Variants in PRKAR1A observed in about 807,000 individuals in gnomAD.
PRKAR1A encodes the protein protein kinase cAMP-dependent type I regulatory subunit alpha.
A neutral mutation model predicts 52.0 loss-of-function variants in PRKAR1A; 3 were observed. That is an observed-to-expected ratio of 0.06 (90% CI 0.03 to 0.15). The LOEUF (loss-of-function observed/expected upper bound fraction) is 0.15, where lower values mean the gene tolerates loss of function less well. PRKAR1A is among the 10% of genes least tolerant of loss of function. The pLI, the probability that PRKAR1A is intolerant of heterozygous loss-of-function variation, is 1.00. For missense variants in PRKAR1A, 240 were observed against 477.4 expected (o/e 0.50, Z 4.63); for synonymous variants, 188 against 168.4 (o/e 1.12, Z -0.90).
intron 1 of PRKAR1A, chr17:68,512,804 C>T (rs2085302598): frequency 6.6e-6 from 1 of 152,074 alleles, no homozygotes; most frequent in East Asian, 1.9e-4. Context: ...CGCTCGCTGC[C>T]CCCACCCCAC....
chr17:68,537,794 T>TG (rs1204967089), downstream of PRKAR1A: 25 of 1,559,686 alleles, frequency 1.6e-5, no homozygotes, highest in Non-Finnish European at 1.9e-5. The surrounding 1 kb of genome is among the most constrained non-coding windows in gnomAD (Gnocchi z 4.2). Flanking sequence ...GAAAATAACT[T>TG]GCCTGAACTT....
downstream of PRKAR1A, among the ~76,000 whole-genome samples, chr17:68,534,458 G>C (rs1021774274): frequency 2.0e-5 from 3 of 151,578 alleles, no homozygotes; most frequent in Admixed American, 2.0e-4. Flanking sequence ...GAAGTGAAAA[G>C]TTTGAGCCTC....
At chr17:68,542,599 A>T (rs992396036) in intron 11 of PRKAR1A, 8 of 930,362 alleles carry the variant, frequency 8.6e-6, no homozygotes, top group Non-Finnish European at 1.4e-5. Context: ...GGATAGTGCT[A>T]GCAGCAGGGT....
chr17:68,489,554 T>G, the PRKAR1A span, among the ~76,000 whole-genome samples: 6 of 149,100 alleles, frequency 4.0e-5, no homozygotes, highest in East Asian at 1.2e-3. Flanking sequence ...GGAAAGTATA[T>G]ATATACACAC....
the PRKAR1A span, chr17:68,457,237 C>G: frequency 2.9e-6 from 4 of 1,380,920 alleles, no homozygotes; most frequent in East Asian, 2.9e-5. Flanking sequence ...GCCCTCCCGC[C>G]GAGGCCGCCT....
chr17:68,437,430 C>G, the PRKAR1A span, among the ~76,000 whole-genome samples: 2 of 152,088 alleles, frequency 1.3e-5, no homozygotes, highest in East Asian at 3.9e-4. Flanking sequence ...TTGCATGTGC[C>G]TGTAGTCCCA....
chr17:68,540,615 G>A, intron 11 of PRKAR1A: 1 of 624,564 alleles, frequency 1.6e-6, no homozygotes, highest in Non-Finnish European at 3.0e-6. Flanking sequence ...GCCCGTGGCA[G>A]GGTGAGATGC....
the PRKAR1A span, among the ~76,000 whole-genome samples, chr17:68,471,125 C>G: frequency 6.6e-6 from 1 of 152,090 alleles, no homozygotes; most frequent in Non-Finnish European, 1.5e-5. Flanking sequence ...AAAAGTAATA[C>G]ACCCACAGCA....
chr17:68,421,642 A>T, the PRKAR1A span: 1 of 1,321,878 alleles, frequency 7.6e-7, no homozygotes, highest in Non-Finnish European at 1.1e-6. Flanking sequence ...CCTGTGGTTT[A>T]AGCAGTGGAG....
chr17:68,527,030 C>T (rs1371755613), intron 7 of PRKAR1A, among the ~76,000 whole-genome samples: 2 of 152,204 alleles, frequency 1.3e-5, no homozygotes. Context: ...GTTAGTTCTG[C>T]ATTTCCTCTA....
chr17:68,474,293 G>A, the PRKAR1A span, among the ~76,000 whole-genome samples: 1 of 152,148 alleles, frequency 6.6e-6, no homozygotes, highest in African/African-American at 2.4e-5. Flanking sequence ...GGAAAGGTAG[G>A]GAGTCAGCTG....
chr17:68,428,994 T>C, the PRKAR1A span: 2 of 1,353,998 alleles, frequency 1.5e-6, no homozygotes, highest in East Asian at 2.3e-5. Flanking sequence ...ATGGATTCGC[T>C]TCCAATGACA....
rs1281533465 is a variant in PRKAR1A, at chr17:68,532,666, T to G, written c.*2217T>G. 9.4e-7 allele frequency: 1 copy of G among 1,066,224 alleles called. No individual in the cohort carries two copies. Among genetic ancestry groups the G allele is most frequent in the African/African-American group, 1.6e-5 (1 of 61,124 alleles). The allele number at this position is 1,066,224 out of a possible 1,614,324, so 66.0% of individuals were successfully genotyped here. ...GGACCGTTTTGTATTGCTTCCTGAT[T>G]ACCAGTCTGATTATACCATGTGTGC... On this transcript the variant is annotated 3_prime_UTR_variant, in exon 11 of 11. Coordinates refer to ENST00000589228, the MANE Select transcript of PRKAR1A (RefSeq NM_002734.5).
the PRKAR1A span, among the ~76,000 whole-genome samples, chr17:68,425,729 G>A: frequency 1.3e-5 from 2 of 152,142 alleles, no homozygotes; most frequent in Non-Finnish European, 2.9e-5. Context: ...AGGAAAATAA[G>A]TTTTAGACAA....
At chr17:68,506,150 T>A in the PRKAR1A span, among the ~76,000 whole-genome samples, 1 of 152,252 alleles carries the variant, frequency 6.6e-6, no homozygotes, top group South Asian at 2.1e-4. Flanking sequence ...GCTTACAACA[T>A]CTAAAGCATT....
the PRKAR1A span, chr17:68,426,253 G>GGGGGGGGGGGGGGGGGGGGA: frequency 1.2e-6 from 1 of 841,018 alleles, no homozygotes; most frequent in South Asian, 1.3e-5. Context: ...GGGGAGCGGG[G>GGGGGGGGGGGGGGGGGGGGA]GCTCAAATAA....
At chr17:68,541,152 G>A in intron 11 of PRKAR1A, 2 of 728,208 alleles carry the variant, frequency 2.7e-6, no homozygotes, top group Non-Finnish European at 4.3e-6. Context: ...AGAAGGTCCT[G>A]GGTCCTTTAA....
chr17:68,522,951 G>A (rs759172711), intron 3 of PRKAR1A, 25 bp downstream of exon 3: 2 of 1,611,814 alleles, frequency 1.2e-6, no homozygotes, highest in Non-Finnish European at 8.5e-7. Flanking sequence ...TGAATATCGG[G>A]GGGATGCTTT....
chr17:68,533,288 T>C lies in PRKAR1A; in HGVS notation c.*2839T>C. On this transcript the variant is annotated 3_prime_UTR_variant, in exon 11 of 11. Transcript: ENST00000589228. ...GGTATTTCTTCACATCCAGTGAAAT[T>C]GGAGATATGTTGTATGTTAGAAGAG... The C allele has an allele frequency of 9.4e-7, 1 of 1,064,218 alleles. No homozygotes were observed. The allele number at this position is 1,064,218 out of a possible 1,614,324, so 65.9% of individuals were successfully genotyped here.
Sources: allele counts gnomAD v4.1 joint callset (sites outside exome capture counted in the v4.1 genomes callset), GRCh38; gene constraint gnomAD v4.1.1; non-coding constraint Gnocchi (gnomAD v3.1); transcripts MANE v1.5; gene names NCBI Gene and HGNC (gene_info 2026-07-23, HGNC 2026-07-21).